Variants in RAB38 observed in about 807,000 individuals in gnomAD.
RAB38 encodes the protein RAB38, member RAS oncogene family.
Under a neutral mutation model 18.4 loss-of-function variants are expected in RAB38, and 15 were observed. The observed-to-expected ratio is 0.82, with a 90% CI of 0.55 to 1.26. RAB38 has a LOEUF of 1.26. RAB38 is among the 50% of genes most tolerant of loss of function. The pLI, the probability that RAB38 is intolerant of heterozygous loss-of-function variation, is 0.00. For synonymous variants in RAB38, 101 were observed against 104.4 expected, an observed-to-expected ratio of 0.97 and a Z score of 0.20; for missense variants, 294 against 267.4, an observed-to-expected ratio of 1.10 and a Z score of -0.69.
At chr11:88,162,629 T>C (rs930183959) in intron 1 of RAB38, among the ~76,000 whole-genome samples, 1 of 152,072 alleles carries the variant, frequency 6.6e-6, no homozygotes, top group Non-Finnish European at 1.5e-5. Context: ...TTAATCCCTA[T>C]AATTTTCCAG....
At chr11:87,977,800 A>G in the RAB38 span, among the ~76,000 whole-genome samples, 1 of 106,990 alleles carries the variant, frequency 9.3e-6, no homozygotes, top group Non-Finnish European at 1.8e-5. Context: ...TATATATATT[A>G]TAGAGTTATA....
chr11:87,912,067 AT>A, the RAB38 span, among the ~76,000 whole-genome samples: 1 of 151,924 alleles, frequency 6.6e-6, no homozygotes, highest in African/African-American at 2.4e-5. Context: ...CTTGGTCATG[AT>A]GAATTAACCA....
At chr11:88,081,792 C>T in the RAB38 span, among the ~76,000 whole-genome samples, 1 of 151,860 alleles carries the variant, frequency 6.6e-6, no homozygotes, top group East Asian at 1.9e-4. Flanking sequence ...GGTGGACATA[C>T]CTTTTGGAAC....
chr11:87,947,756 T>C, the RAB38 span, among the ~76,000 whole-genome samples: 1 of 152,240 alleles, frequency 6.6e-6, no homozygotes, highest in African/African-American at 2.4e-5. Flanking sequence ...ATCTCTGTTT[T>C]GGTACCAGTA....
the RAB38 span, among the ~76,000 whole-genome samples, chr11:87,876,494 T>G: frequency 1.5e-4 from 23 of 151,684 alleles, no homozygotes; most frequent in Non-Finnish European, 3.1e-4. Context: ...CTAACACAGC[T>G]TTGAAAGAGT....
the RAB38 span, among the ~76,000 whole-genome samples, chr11:88,058,114 A>G: frequency 2.0e-5 from 3 of 152,354 alleles, no homozygotes; most frequent in East Asian, 1.9e-4. Context: ...TTAGGGAAGC[A>G]TAATTATCTT....
chr11:88,055,672 A>G, the RAB38 span, among the ~76,000 whole-genome samples: 1 of 152,242 alleles, frequency 6.6e-6, no homozygotes, highest in Non-Finnish European at 1.5e-5. Context: ...ATGAAAATAT[A>G]AAGCAGTTTT....
intron 2 of RAB38, among the ~76,000 whole-genome samples, chr11:88,138,784 T>A (rs1273550694): frequency 8.8e-6 from 1 of 113,252 alleles, no homozygotes; most frequent in Non-Finnish European, 1.9e-5. Context: ...TATTCTTTTT[T>A]TTTTATTATT....
Position 88,175,294 on chromosome 11 carries a change from G to A in RAB38, c.91C>T (p.His31Tyr). The A allele has an allele frequency of 6.2e-7, 1 of 1,614,208 alleles. No individual in the cohort carries two copies. Among genetic ancestry groups the A allele is most frequent in the Non-Finnish European group, 8.5e-7 (1 of 1,180,020 alleles). ...GKTSIIKRYV[H>Y]QNFSSHYRAT... ...CGGTAGTGCGAAGAGAAGTTCTGGTGCACGTAGCGCTTGATGATACTGGTC... is the reference window on the plus strand; with the variant it reads ...CGGTAGTGCGAAGAGAAGTTCTGGTACACGTAGCGCTTGATGATACTGGTC... Residue 31 changes from histidine to tyrosine, a missense_variant, in exon 1 of 3, where the codon CAC becomes TAC. His to Tyr is a moderately conservative substitution (Grantham distance 83). Coordinates refer to ENST00000243662, the MANE Select transcript of RAB38 (RefSeq NM_022337.3).
the RAB38 span, among the ~76,000 whole-genome samples, chr11:88,050,831 A>C: frequency 3.3e-5 from 5 of 152,174 alleles, no homozygotes; most frequent in Non-Finnish European, 1.5e-5. Context: ...CTGAAATATA[A>C]TTAGTAACAG....
the RAB38 span, among the ~76,000 whole-genome samples, chr11:88,101,753 T>G: frequency 6.6e-6 from 1 of 151,704 alleles, no homozygotes; most frequent in Admixed American, 6.6e-5. Context: ...AATAATATTA[T>G]CAACAGCTGG....
the RAB38 span, among the ~76,000 whole-genome samples, chr11:87,882,850 G>T: frequency 1.9e-3 from 290 of 151,854 alleles, no homozygotes; most frequent in African/African-American, 6.6e-3. Context: ...CATGGTCTTT[G>T]TGAGCTTTCT....
At chr11:87,845,045 AGAACT>A in the RAB38 span, among the ~76,000 whole-genome samples, 1 of 152,240 alleles carries the variant, frequency 6.6e-6, no homozygotes, top group Non-Finnish European at 1.5e-5. Context: ...AATAATTTAG[AGAACT>A]GAACTGAAAT....
At chr11:87,976,454 AAT>A in the RAB38 span, among the ~76,000 whole-genome samples, 1 of 135,158 alleles carries the variant, frequency 7.4e-6, no homozygotes, top group African/African-American at 2.7e-5. Flanking sequence ...TATATTTATA[AAT>A]ATATATATTT....
At chr11:87,916,722 T>G in the RAB38 span, among the ~76,000 whole-genome samples, 1 of 152,198 alleles carries the variant, frequency 6.6e-6, no homozygotes, top group East Asian at 1.9e-4. Flanking sequence ...TCTGTTTTTG[T>G]CTTTATATTT....
chr11:88,169,589 T>C (rs1943284364), intron 1 of RAB38, among the ~76,000 whole-genome samples: 2 of 152,150 alleles, frequency 1.3e-5, no homozygotes, highest in Admixed American at 1.3e-4. Context: ...TGGGAATGCA[T>C]GAGATCCTCA....
chr11:88,087,000 A>C, the RAB38 span, among the ~76,000 whole-genome samples: 3 of 151,930 alleles, frequency 2.0e-5, no homozygotes, highest in Non-Finnish European at 4.4e-5. Flanking sequence ...AAAATGTCCT[A>C]TAAGGAGGAG....
chr11:87,850,457 A>G, the RAB38 span, among the ~76,000 whole-genome samples: 4 of 152,096 alleles, frequency 2.6e-5, no homozygotes, highest in African/African-American at 7.2e-5. Flanking sequence ...TTTCCTTGTA[A>G]AGCAGAGAGC....
the RAB38 span, among the ~76,000 whole-genome samples, chr11:87,950,317 C>G: frequency 1.3e-5 from 2 of 152,148 alleles, no homozygotes; most frequent in Non-Finnish European, 2.9e-5. Flanking sequence ...ATACAGCACA[C>G]TGATGGGTCT....
Sources: allele counts gnomAD v4.1 joint callset (sites outside exome capture counted in the v4.1 genomes callset), GRCh38; gene constraint gnomAD v4.1.1; transcripts MANE v1.5; gene names NCBI Gene and HGNC (gene_info 2026-07-23, HGNC 2026-07-21).